ENTREP3: variants seen among roughly 807,000 people sequenced by gnomAD.
ENTREP3 encodes protein ENTREP3.
the ENTREP3 span, chr1:155,247,860 C>A: frequency 6.6e-7 from 1 of 1,515,152 alleles, no homozygotes; most frequent in Non-Finnish European, 8.8e-7. Context: ...TGCGGCCAGA[C>A]AGGAGACGCC....
chr1:155,252,186 A>G, the ENTREP3 span: 1 of 383,788 alleles, frequency 2.6e-6, no homozygotes, highest in Non-Finnish European at 4.5e-6. Context: ...TCCACCCTTT[A>G]GCCTCACCTC....
the ENTREP3 span, chr1:155,251,126 G>A: frequency 6.2e-7 from 1 of 1,612,598 alleles, no homozygotes; most frequent in South Asian, 1.1e-5. Flanking sequence ...GTTCACAGAT[G>A]CACGAGCCAT....
the ENTREP3 span, chr1:155,252,705 TATATATATATATA>T: frequency 5.7e-5 from 3 of 52,812 alleles, no homozygotes; most frequent in African/African-American, 9.9e-5. Context: ...TATATATATA[TATATATATATATA>T]TATATTTTTT....
At chr1:155,255,100 A>C in the ENTREP3 span, 3 of 591,512 alleles carry the variant, frequency 5.1e-6, no homozygotes, top group South Asian at 2.0e-5. The surrounding 1 kb of genome is among the most constrained non-coding windows in gnomAD (Gnocchi z 5.6). Context: ...CACCACGGGC[A>C]CTGGACGGGC....
At chr1:155,253,672 CAG>C in the ENTREP3 span, 2 of 1,613,918 alleles carry the variant, frequency 1.2e-6, no homozygotes, top group Non-Finnish European at 8.5e-7. Flanking sequence ...CAGACAATAG[CAG>C]AGAGTGTACA....
chr1:155,251,554 G>A, the ENTREP3 span: 3 of 1,614,062 alleles, frequency 1.9e-6, no homozygotes, highest in African/African-American at 4.0e-5. Context: ...GGGGCAATCG[G>A]TAGGGTACAA....
At chr1:155,249,114 G>A in the ENTREP3 span, among the ~76,000 whole-genome samples, 2 of 151,940 alleles carry the variant, frequency 1.3e-5, no homozygotes, top group Admixed American at 1.3e-4. Context: ...TTGAGATGGA[G>A]TGTGTCTCTG....
the ENTREP3 span, chr1:155,251,203 C>G: frequency 6.7e-7 from 1 of 1,482,956 alleles, no homozygotes. Context: ...GCCCTACACA[C>G]TGAACACCCC....
the ENTREP3 span, chr1:155,254,615 G>C: frequency 6.3e-7 from 1 of 1,587,744 alleles, no homozygotes; most frequent in Non-Finnish European, 8.6e-7. The surrounding 1 kb of genome is among the most constrained non-coding windows in gnomAD (Gnocchi z 4.4). Context: ...TGGGGCCCGA[G>C]GAGCCTCCCC....
chr1:155,250,634 G>A, the ENTREP3 span: 1 of 1,610,866 alleles, frequency 6.2e-7, no homozygotes, highest in Non-Finnish European at 8.5e-7. The surrounding 1 kb of genome is among the most constrained non-coding windows in gnomAD (Gnocchi z 5.4). Context: ...CCTCGAAGGG[G>A]CCCCGCAGGC....
At chr1:155,254,664 C>T in the ENTREP3 span, 9 of 1,608,144 alleles carry the variant, frequency 5.6e-6, no homozygotes, top group Non-Finnish European at 7.6e-6. This position sits in a 1 kb window ranked among gnomAD's most constrained non-coding sequence, Gnocchi z 4.4. Flanking sequence ...GAGAACCCAG[C>T]CCAAGACGGG....
the ENTREP3 span, chr1:155,250,402 G>A: frequency 1.9e-6 from 2 of 1,032,550 alleles, no homozygotes; most frequent in Non-Finnish European, 2.8e-6. This position sits in a 1 kb window ranked among gnomAD's most constrained non-coding sequence, Gnocchi z 5.4. Context: ...TCGCTGAAGC[G>A]ACGAGTCGGG....
chr1:155,254,235 T>C, the ENTREP3 span: 3 of 1,539,844 alleles, frequency 1.9e-6, no homozygotes, highest in South Asian at 1.1e-5. This position sits in a 1 kb window ranked among gnomAD's most constrained non-coding sequence, Gnocchi z 4.4. Flanking sequence ...GGGACCCTCA[T>C]GAGTACTCCT....
the ENTREP3 span, chr1:155,252,690 G>GTGCATATATA: frequency 3.0e-5 from 1 of 32,880 alleles, no homozygotes; most frequent in African/African-American, 1.9e-4. Context: ...AATTTTGTGT[G>GTGCATATATA]TATATATATA....
the ENTREP3 span, chr1:155,252,108 C>T: frequency 2.2e-6 from 1 of 456,610 alleles, no homozygotes; most frequent in Non-Finnish European, 3.8e-6. Flanking sequence ...CCTGCCCACC[C>T]ACAAATTCCT....
the ENTREP3 span, chr1:155,250,604 G>A: frequency 2.5e-6 from 4 of 1,608,048 alleles, no homozygotes; most frequent in East Asian, 2.2e-5. The surrounding 1 kb of genome is among the most constrained non-coding windows in gnomAD (Gnocchi z 5.4). Context: ...CCCGTGGGGG[G>A]CGCCGTGGCA....
the ENTREP3 span, chr1:155,254,972 C>G: frequency 1.0e-6 from 1 of 984,428 alleles, no homozygotes; most frequent in Non-Finnish European, 1.5e-6. The surrounding 1 kb of genome is among the most constrained non-coding windows in gnomAD (Gnocchi z 4.4). Context: ...TCCTCTCCAC[C>G]CCACTCGCTC....
the ENTREP3 span, chr1:155,247,666 G>C: frequency 5.1e-6 from 5 of 980,960 alleles, no homozygotes; most frequent in East Asian, 1.3e-4. Context: ...GACACTTTGG[G>C]GGGTATACAG....
chr1:155,250,353 G>A, the ENTREP3 span: 3 of 1,547,136 alleles, frequency 1.9e-6, no homozygotes, highest in Non-Finnish European at 2.6e-6. The surrounding 1 kb of genome is among the most constrained non-coding windows in gnomAD (Gnocchi z 5.4). Flanking sequence ...TGCCGGATGA[G>A]GAGGCCGGTG....
Sources: allele counts gnomAD v4.1 joint callset (sites outside exome capture counted in the v4.1 genomes callset), GRCh38; gene constraint gnomAD v4.1.1; non-coding constraint Gnocchi (gnomAD v3.1); transcripts MANE v1.5; gene names NCBI Gene and HGNC (gene_info 2026-07-23, HGNC 2026-07-21).